The following CHCHD6 variants were observed in gnomAD, a reference collection of about 807,000 sequenced individuals.
CHCHD6 encodes the protein MICOS complex subunit MIC25.
A neutral mutation model predicts 32.3 loss-of-function variants in CHCHD6; 28 were observed. The ratio of observed to expected loss-of-function variants is 0.87; its 90% confidence interval spans 0.64 to 1.19. The LOEUF (loss-of-function observed/expected upper bound fraction) is 1.19, where lower values mean the gene tolerates loss of function less well. CHCHD6 is among the 50% of genes most tolerant of loss of function. The pLI is 0.00. For missense variants in CHCHD6, 333 were observed against 307.0 expected (o/e 1.08, Z -0.63); for synonymous variants, 122 against 117.5 (o/e 1.04, Z -0.25).
intron 4 of CHCHD6, among the ~76,000 whole-genome samples, chr3:126,765,702 C>T (rs1937341754): frequency 6.6e-6 from 1 of 152,242 alleles, no homozygotes; most frequent in African/African-American, 2.4e-5. Context: ...TGTGACAAGG[C>T]TCAGCCCTGG....
chr3:126,878,449 G>A (rs1003890708), intron 5 of CHCHD6, among the ~76,000 whole-genome samples: 22 of 152,178 alleles, frequency 1.4e-4, no homozygotes, highest in African/African-American at 4.8e-4. Context: ...GTACCACTGA[G>A]GATCCAGCCT....
At chr3:126,820,930 C>G (rs1268565485) in intron 4 of CHCHD6, among the ~76,000 whole-genome samples, 1 of 152,178 alleles carries the variant, frequency 6.6e-6, no homozygotes, top group African/African-American at 2.4e-5. Context: ...TCCAGAGTAT[C>G]TTTACATCAC....
Position 126,840,327 on chromosome 3 carries a change from A to G in CHCHD6, c.412-12320A>G, listed in dbSNP as rs147765952. Reference sequence around the variant, plus strand: ...AATGAGATAGTTGTGATGATTGCACAACTTTGTGAATGTACTAAAACCCAC... The same window carrying G: ...AATGAGATAGTTGTGATGATTGCACGACTTTGTGAATGTACTAAAACCCAC... On this transcript the variant is annotated intron_variant, in intron 4 of 7. Coordinates refer to ENST00000290913, the MANE Select transcript of CHCHD6 (RefSeq NM_032343.3). Among the ~76,000 whole-genome samples, 8 of 152,330 alleles carry G rather than the reference A, an allele frequency of 5.3e-5. No homozygotes were observed. The East Asian group carries it at 1.3e-3, about 26-fold the overall frequency.
intron 6 of CHCHD6, among the ~76,000 whole-genome samples, chr3:126,936,927 C>T (rs1274450746): frequency 6.6e-6 from 1 of 152,194 alleles, no homozygotes; most frequent in African/African-American, 2.4e-5. Context: ...TTCTGTTGGA[C>T]AGAACTATTG....
At chr3:126,714,042 A>C (rs1217229660) in intron 1 of CHCHD6, among the ~76,000 whole-genome samples, 2 of 131,072 alleles carry the variant, frequency 1.5e-5, no homozygotes, top group African/African-American at 3.0e-5. Context: ...GCACCACTGC[A>C]CTCCAGCCTG....
intron 5 of CHCHD6, among the ~76,000 whole-genome samples, chr3:126,874,790 C>G (rs937036930): frequency 1.3e-5 from 2 of 152,166 alleles, no homozygotes; most frequent in African/African-American, 4.8e-5. Context: ...CACAAAACAG[C>G]CTGCCAGTTC....
chr3:126,948,538 AC>A (rs2078672378), intron 6 of CHCHD6, among the ~76,000 whole-genome samples: 1 of 152,174 alleles, frequency 6.6e-6, no homozygotes, highest in Non-Finnish European at 1.5e-5. Flanking sequence ...CCTTGTCTTA[AC>A]TAATCACATC....
intron 4 of CHCHD6, among the ~76,000 whole-genome samples, chr3:126,747,151 C>T (rs192364469): frequency 6.6e-6 from 1 of 152,290 alleles, no homozygotes; most frequent in African/African-American, 2.4e-5. Context: ...CTCTTCATCT[C>T]GTCTCCTTTC....
chr3:126,756,162 A>G, intron 4 of CHCHD6, among the ~76,000 whole-genome samples: 1 of 152,008 alleles, frequency 6.6e-6, no homozygotes, highest in East Asian at 1.9e-4. Context: ...GTGATTCTTC[A>G]CCAACCCCTC....
chr3:126,899,715 G>T lies in CHCHD6; in HGVS notation c.496-14965G>T, dbSNP rs531916403. ...ATTCACCTTTCCTGGTCTTGAGAGT[G>T]CCCTTCCATGGCACATTGGAAAGGG... On this transcript the variant is annotated intron_variant, in intron 5 of 7. Transcript: ENST00000290913. Among the ~76,000 whole-genome samples the T allele has an allele frequency of 1.1e-4, 16 of 152,300 alleles. No homozygotes were observed. The South Asian group carries it at 3.3e-3, about 32-fold the overall frequency.
chr3:126,774,636 T>C (rs1937603192), intron 4 of CHCHD6, among the ~76,000 whole-genome samples: 2 of 152,068 alleles, frequency 1.3e-5, no homozygotes, highest in Non-Finnish European at 2.9e-5. Context: ...GCTTGGGTGG[T>C]AGTCAGAGCT....
intron 5 of CHCHD6, among the ~76,000 whole-genome samples, chr3:126,914,203 G>T (rs75949118): frequency 0.012 from 1,810 of 152,292 alleles, 19 homozygotes; most frequent in Middle Eastern, 0.048. Context: ...CTCCGGGAAG[G>T]AAAGTCCACC....
chr3:126,950,998 A>G (rs1485389262), intron 6 of CHCHD6, among the ~76,000 whole-genome samples: 4 of 152,248 alleles, frequency 2.6e-5, no homozygotes, highest in African/African-American at 2.4e-5. Context: ...AGCTTGTCAC[A>G]GATGAAATTG....
At chr3:126,827,656 G>A (rs1269358561) in intron 4 of CHCHD6, among the ~76,000 whole-genome samples, 1 of 152,166 alleles carries the variant, frequency 6.6e-6, no homozygotes, top group Non-Finnish European at 1.5e-5. Context: ...TGTCATCTGG[G>A]ATCTTTCACC....
chr3:126,754,657 G>A lies in CHCHD6; in HGVS notation c.411+21435G>A, dbSNP rs527700893. On this transcript the variant is annotated intron_variant, in intron 4 of 7. Transcript: ENST00000290913. ...TGAAAATCCTGTGTGCTCCTAATTG[G>A]TTTTCAGGGGAGATTGATTTTTGCC... Among the ~76,000 whole-genome samples, 4 of 152,340 alleles carry A rather than the reference G, an allele frequency of 2.6e-5. No homozygotes were observed. The East Asian group carries it at 7.7e-4, about 29-fold the overall frequency.
rs192176895 is a variant in CHCHD6, at chr3:126,774,108, T to C, written c.411+40886T>C. ...TATTTCCTGTTTATTAGTACTGATA[T>C]GATTCAGATATTTTAATAGCATATT... On this transcript the variant is annotated intron_variant, in intron 4 of 7. Coordinates refer to ENST00000290913, the MANE Select transcript of CHCHD6 (RefSeq NM_032343.3). Among the ~76,000 whole-genome samples the C allele has an allele frequency of 8.1e-4, 123 of 152,364 alleles. 1 individual carries two copies. Among genetic ancestry groups the C allele is most frequent in the African/African-American group, 3.0e-3 (123 of 41,582 alleles).
At chr3:126,955,818 G>A (rs545866929) in intron 6 of CHCHD6, among the ~76,000 whole-genome samples, 73 of 152,210 alleles carry the variant, frequency 4.8e-4, no homozygotes, top group Non-Finnish European at 8.8e-4. Context: ...GCATTGTCCC[G>A]CGTAGTCAGA....
In CHCHD6 at chr3:126,826,747, G is replaced by A. The variant is rs374570015; in HGVS notation, c.412-25900G>A. On this transcript the variant is annotated intron_variant, in intron 4 of 7. Coordinates refer to ENST00000290913, the MANE Select transcript of CHCHD6 (RefSeq NM_032343.3). ...TCCTTTGACTCCTAAACAGATGTTT[G>A]TCACCACACTGTGTTGACACTAGGA... 2.6e-5 allele frequency among the ~76,000 whole-genome samples: 4 copies of A among 152,152 alleles called. No homozygotes were observed. In the East Asian group the frequency reaches 5.8e-4, roughly 22 times the overall value.
At chr3:126,795,492 A>C (rs765800678) in intron 4 of CHCHD6, among the ~76,000 whole-genome samples, 1 of 152,216 alleles carries the variant, frequency 6.6e-6, no homozygotes, top group Non-Finnish European at 1.5e-5. Flanking sequence ...AAATGTGTTC[A>C]TCTTCTCAGA....
Sources: allele counts gnomAD v4.1 joint callset (sites outside exome capture counted in the v4.1 genomes callset), GRCh38; gene constraint gnomAD v4.1.1; transcripts MANE v1.5; gene names NCBI Gene and HGNC (gene_info 2026-07-23, HGNC 2026-07-21).